SLC29A3: variants seen among roughly 807,000 people sequenced by gnomAD.
The protein encoded by SLC29A3 is solute carrier family 29 member 3, also known as equilibrative nucleoside transporter 3.
Under a neutral mutation model 25.4 loss-of-function variants are expected in SLC29A3, and 18 were observed. The observed-to-expected ratio is 0.71, with a 90% CI of 0.49 to 1.05. SLC29A3 has a LOEUF of 1.05. Ranked by LOEUF, SLC29A3 falls within the 50% of genes least tolerant of loss-of-function variation. SLC29A3 has a pLI of 0.00. For missense variants in SLC29A3, 586 were observed against 609.0 expected (o/e 0.96, Z 0.40); for synonymous variants, 258 against 267.1 (o/e 0.97, Z 0.33).
chr10:71,370,932 ATTATT>A (rs753837546), intron 3 of SLC29A3, among the ~76,000 whole-genome samples: 6 of 151,984 alleles, frequency 3.9e-5, no homozygotes, highest in Non-Finnish European at 5.9e-5. Flanking sequence ...AAACATCTAA[ATTATT>A]TTATTATTTA....
At chr10:71,328,602 A>C (rs1485143399) in intron 2 of SLC29A3, among the ~76,000 whole-genome samples, 1 of 152,170 alleles carries the variant, frequency 6.6e-6, no homozygotes, top group Non-Finnish European at 1.5e-5. Flanking sequence ...CTGGCATGAC[A>C]CCCAACACAT....
At chr10:71,331,051 A>T (rs1342471276) in intron 2 of SLC29A3, among the ~76,000 whole-genome samples, 2 of 152,072 alleles carry the variant, frequency 1.3e-5, no homozygotes, top group East Asian at 3.9e-4. Context: ...CATTTTCGAA[A>T]TTTTTTGGAG....
intron 2 of SLC29A3, among the ~76,000 whole-genome samples, chr10:71,331,383 A>G (rs1279334437): frequency 6.6e-6 from 1 of 152,188 alleles, no homozygotes; most frequent in Non-Finnish European, 1.5e-5. Context: ...AGCTGCAGGG[A>G]ACTGTGATTC....
intron 2 of SLC29A3, among the ~76,000 whole-genome samples, chr10:71,328,109 T>C (rs1846014823): frequency 6.6e-6 from 1 of 152,158 alleles, no homozygotes; most frequent in South Asian, 2.1e-4. Flanking sequence ...CCTGTGTACC[T>C]CGGTCTGCCC....
intron 4 of SLC29A3, among the ~76,000 whole-genome samples, chr10:71,378,576 G>A (rs1847278698): frequency 6.6e-6 from 1 of 152,216 alleles, no homozygotes. Flanking sequence ...TCCCAAACCA[G>A]CAGCAAACTG....
intron 2 of SLC29A3, among the ~76,000 whole-genome samples, chr10:71,333,174 C>T (rs371632472): frequency 2.6e-5 from 4 of 152,240 alleles, no homozygotes; most frequent in African/African-American, 9.6e-5. Context: ...GCTTTTGACA[C>T]AGGCAGGCAG....
At chr10:71,335,228 G>A (rs549445646) in intron 2 of SLC29A3, among the ~76,000 whole-genome samples, 2 of 152,194 alleles carry the variant, frequency 1.3e-5, no homozygotes, top group South Asian at 4.2e-4. Flanking sequence ...GCGTTGAGAA[G>A]CCCCCAGAGC....
intron 2 of SLC29A3, among the ~76,000 whole-genome samples, chr10:71,343,233 T>G (rs1358267985): frequency 2.0e-5 from 3 of 152,196 alleles, no homozygotes; most frequent in Admixed American, 6.5e-5. Context: ...CCCAAAATGC[T>G]GGGATTACAA....
chr10:71,333,366 G>C (rs1481528868), intron 2 of SLC29A3, among the ~76,000 whole-genome samples: 1 of 152,260 alleles, frequency 6.6e-6, no homozygotes, highest in African/African-American at 2.4e-5. Flanking sequence ...GCACGTCTGT[G>C]CCTGTCTGCA....
rs1246957318 is a variant in SLC29A3 at position 71,370,458 on chromosome 10, TTTA to T, written c.*95-5236_*95-5234del. Among the ~76,000 whole-genome samples, 5 of 152,212 alleles carry T rather than the reference TTTA, an allele frequency of 3.3e-5. No individual in the cohort carries two copies. The East Asian group carries it at 7.7e-4, about 23-fold the overall frequency. On this transcript the variant is annotated intron_variant and NMD_transcript_variant, in intron 3 of 4. Coordinates refer to the SLC29A3 transcript ENST00000642772. ...GTGCTGACCAGCAGTTTCTAACAGA[TTTA>T]AGTTCCGGAGGCCCAAGGAGATTGA...
intron 3 of SLC29A3, among the ~76,000 whole-genome samples, chr10:71,346,289 T>C (rs1422628675): frequency 6.6e-6 from 1 of 152,200 alleles, no homozygotes; most frequent in Non-Finnish European, 1.5e-5. Flanking sequence ...ATCCTGCAGA[T>C]GCATTATCTC....
chr10:71,342,022 C>T (rs1011124595), intron 2 of SLC29A3, among the ~76,000 whole-genome samples: 2 of 152,092 alleles, frequency 1.3e-5, no homozygotes, highest in Non-Finnish European at 2.9e-5. Flanking sequence ...GTGCTACAGT[C>T]CTATGTAACA....
Position 71,341,067 on chromosome 10 carries a change from C to T in SLC29A3, c.301-3142C>T, listed in dbSNP as rs944297756. ...TCTGGGGAGAGGAGAGGCGGGCGAA[C>T]GATCTGTGGGCTCCTTCCAGCTCCT... On this transcript the variant is annotated intron_variant, in intron 2 of 5. Transcript: ENST00000373189. 2.6e-5 allele frequency among the ~76,000 whole-genome samples: 4 copies of T among 152,176 alleles called. No individual in the cohort carries two copies. In the South Asian group the frequency reaches 6.2e-4, roughly 24 times the overall value.
intron 1 of SLC29A3, among the ~76,000 whole-genome samples, chr10:71,322,027 A>T (rs1332468544): frequency 2.0e-5 from 3 of 152,172 alleles, no homozygotes; most frequent in Non-Finnish European, 2.9e-5. Flanking sequence ...CTTAATTTGA[A>T]TTTTTTTAAA....
intron 4 of SLC29A3, among the ~76,000 whole-genome samples, chr10:71,378,904 T>G (rs1847281265): frequency 1.3e-5 from 2 of 152,242 alleles, no homozygotes; most frequent in South Asian, 4.1e-4. Context: ...GACTTGCACT[T>G]TAATCCTTGT....
chr10:71,335,190 C>T (rs752187134), intron 2 of SLC29A3, among the ~76,000 whole-genome samples: 3 of 152,186 alleles, frequency 2.0e-5, no homozygotes, highest in South Asian at 2.1e-4. Flanking sequence ...ATTCCTTCTA[C>T]ACCCAGCACT....
At chr10:71,366,909 G>T (rs142198294), downstream of SLC29A3, among the ~76,000 whole-genome samples, 4 of 152,344 alleles carry the variant, frequency 2.6e-5, no homozygotes, top group Admixed American at 6.5e-5. Context: ...GTCAGTGCCA[G>T]TATGCCTCTG....
At chr10:71,377,524 G>A (rs895465214) in intron 4 of SLC29A3, among the ~76,000 whole-genome samples, 14 of 152,228 alleles carry the variant, frequency 9.2e-5, no homozygotes, top group African/African-American at 3.4e-4. Flanking sequence ...GAGCCGGGCC[G>A]CACAGCCAAT....
intron 3 of SLC29A3, among the ~76,000 whole-genome samples, chr10:71,349,224 C>G (rs1386590890): frequency 6.6e-6 from 1 of 152,114 alleles, no homozygotes; most frequent in East Asian, 1.9e-4. Flanking sequence ...TTTGAGTACC[C>G]ACAATAAAAG....
Sources: gnomAD v4.1 joint callset for allele counts (sites outside exome capture counted in the v4.1 genomes callset) on GRCh38, gnomAD v4.1.1 for gene constraint, MANE v1.5 for transcripts, NCBI Gene and HGNC (gene_info 2026-07-23, HGNC 2026-07-21) for gene names.